The following TSPEAR variants were observed in gnomAD, a reference collection of about 807,000 sequenced individuals.
TSPEAR encodes the protein thrombospondin type laminin G domain and EAR repeats.
TSPEAR carries 69 observed loss-of-function variants against 71.6 expected under a neutral mutation model. That is an observed-to-expected ratio of 0.96 (90% CI 0.79 to 1.18). TSPEAR has a LOEUF of 1.18. TSPEAR is among the 50% of genes most tolerant of loss of function. The pLI is 0.00. For synonymous variants in TSPEAR, 402 were observed against 387.2 expected (o/e 1.04, Z -0.45); for missense variants, 971 against 894.9 (o/e 1.09, Z -1.09).
intron 1 of TSPEAR, among the ~76,000 whole-genome samples, chr21:44,587,556 G>A (rs1979420080): frequency 6.6e-6 from 1 of 152,080 alleles, no homozygotes; most frequent in Non-Finnish European, 1.5e-5. Context: ...AACCAAAAAA[G>A]GGCCCGCATA....
At chr21:44,530,218 C>T (rs2052939586) in intron 4 of TSPEAR, among the ~76,000 whole-genome samples, 1 of 145,918 alleles carries the variant, frequency 6.9e-6, no homozygotes. Flanking sequence ...GGCTACTCTG[C>T]TCATCCAACA....
At chr21:44,704,834 C>T (rs566763434) in intron 1 of TSPEAR, among the ~76,000 whole-genome samples, 1 of 152,268 alleles carries the variant, frequency 6.6e-6, no homozygotes, top group South Asian at 2.1e-4. Context: ...CGTCACGGCC[C>T]CGGCACGCCA....
intron 1 of TSPEAR, chr21:44,697,942 C>G: frequency 6.2e-7 from 1 of 1,609,324 alleles, no homozygotes; most frequent in East Asian, 2.2e-5. Context: ...CCTGCTGAGG[C>G]CTCTGCTCAG....
rs986067689 is a variant in TSPEAR, at chr21:44,499,708, T to C, written c.*75A>G. The C allele has an allele frequency of 1.5e-5, 21 of 1,448,248 alleles. No individual in the cohort carries two copies. In the Admixed American group the frequency reaches 2.7e-4, roughly 19 times the overall value. The allele number at this position is 1,448,248 out of a possible 1,614,324, so 89.7% of individuals were successfully genotyped here. On this transcript the variant is annotated 3_prime_UTR_variant, in exon 12 of 12. Transcript: ENST00000323084. Reference sequence around the variant, plus strand: ...GCCCTAGGCTGGGCCCACCTGGACGTCCAGGGTCAGTTGGGGGAGGTGCTG... The same window carrying C: ...GCCCTAGGCTGGGCCCACCTGGACGCCCAGGGTCAGTTGGGGGAGGTGCTG...
Position 44,567,832 on chromosome 21 carries a change from C to T in TSPEAR, c.256G>A (p.Glu86Lys). ...CTCAAAGTTACGACGATGGAAAATTCTTCAGGGAAGAGGTCACACTGGGAG... is the reference window on the plus strand; with the variant it reads ...CTCAAAGTTACGACGATGGAAAATTTTTCAGGGAAGAGGTCACACTGGGAG... ...IFSQCDLFPE[E>K]FSIVVTLRVP... The change falls in exon 2 of 12, where the codon GAA becomes AAA. Residue 86 changes from glutamate to lysine, a missense_variant. Glu to Lys is a moderately conservative substitution (Grantham distance 56). Coordinates refer to ENST00000323084, the MANE Select transcript of TSPEAR (RefSeq NM_144991.3). The T allele has an allele frequency of 6.2e-7, 1 of 1,603,018 alleles. No individual in the cohort carries two copies. The highest frequency in any genetic ancestry group is 8.5e-7 in the Non-Finnish European group (1 of 1,173,906).
chr21:44,702,276 C>T lies in TSPEAR; in HGVS notation c.82+9157G>A, dbSNP rs955328041. The T allele has an allele frequency of 3.4e-5, 55 of 1,607,342 alleles. 1 individual carries two copies. The highest frequency in any genetic ancestry group is 2.2e-4 in the Middle Eastern group (1 of 4,618). On this transcript the variant is annotated intron_variant, in intron 1 of 11. Coordinates refer to ENST00000323084, the MANE Select transcript of TSPEAR (RefSeq NM_144991.3). ...TGGACGACTGCCCGGAGAGCTGCTG[C>T]GAGCCCCCCTGCTGCGCCGCCAGCT...
At chr21:44,681,823 A>G in intron 1 of TSPEAR, 2 of 1,602,074 alleles carry the variant, frequency 1.2e-6, no homozygotes, top group Non-Finnish European at 1.7e-6. Context: ...GCGGGTCTGG[A>G]GATTCATGCT....
chr21:44,645,424 T>C (rs372162902), intron 1 of TSPEAR, among the ~76,000 whole-genome samples: 2 of 150,788 alleles, frequency 1.3e-5, no homozygotes, highest in African/African-American at 2.4e-5. Context: ...TGGTGCAATC[T>C]CAGCTCACTG....
At chr21:44,662,414 G>A (rs968488780) in intron 1 of TSPEAR, among the ~76,000 whole-genome samples, 1 of 152,142 alleles carries the variant, frequency 6.6e-6, no homozygotes, top group Non-Finnish European at 1.5e-5. Context: ...TAATGATAAA[G>A]CATCAATTCA....
chr21:44,565,893 G>T (rs1054164915), intron 2 of TSPEAR, among the ~76,000 whole-genome samples: 38 of 152,316 alleles, frequency 2.5e-4, no homozygotes, highest in Admixed American at 2.4e-3. Context: ...AAGGTTGCAG[G>T]ATACAACGTC....
intron 1 of TSPEAR, chr21:44,654,603 G>A (rs1555942212): frequency 1.3e-6 from 2 of 1,570,376 alleles, no homozygotes; most frequent in Admixed American, 1.8e-5. Context: ...AAGAGTGGCT[G>A]GTGTGGCACA....
In TSPEAR at chr21:44,509,212, T is replaced by C. The variant is rs1422102759; in HGVS notation, c.1741A>G (p.Ile581Val). 5 of 1,613,730 alleles carry C rather than the reference T, an allele frequency of 3.1e-6. No individual in the cohort carries two copies. The highest frequency in any genetic ancestry group is 4.2e-6 in the Non-Finnish European group (5 of 1,179,872). Residue 581 changes from isoleucine to valine, a missense_variant, in exon 10 of 12, where the codon ATT (isoleucine) becomes GTT (valine). Transcript: ENST00000323084. ...GGAGGCGCATACCTGCAGGTGAGAA[T>C]GTCCTGGAACTTGACAAAGGCCTGC... The part of the protein sequence containing the change: ...TAQAFVKFQD[I>V]LTCSALDWEF...
intron 1 of TSPEAR, among the ~76,000 whole-genome samples, chr21:44,648,980 T>G (rs1984608185): frequency 6.6e-6 from 1 of 152,208 alleles, no homozygotes; most frequent in African/African-American, 2.4e-5. Context: ...CAGCTCCGAG[T>G]GCTCTGCCCC....
chr21:44,701,190 G>A (rs1555951474), intron 1 of TSPEAR, among the ~76,000 whole-genome samples: 1 of 152,242 alleles, frequency 6.6e-6, no homozygotes, highest in Admixed American at 6.5e-5. Flanking sequence ...CATAGGGACA[G>A]CGCGGAGTGG....
rs782043381 is a variant in TSPEAR, at chr21:44,525,672, C to A, written c.1317G>T (p.Ala439=). Residue 439 remains alanine, a synonymous_variant, in exon 8 of 12, where the codon GCG becomes GCT. Coordinates refer to ENST00000323084, the MANE Select transcript of TSPEAR (RefSeq NM_144991.3). ...AFEVDGEHFL[A]VANHREGDNH... ...CCCTACCTTCCCGGTGGTTGGCCACCGCCAGGAAGTGCTCCCCATCCACCT... is the reference window on the plus strand; with the variant it reads ...CCCTACCTTCCCGGTGGTTGGCCACAGCCAGGAAGTGCTCCCCATCCACCT... The A allele has an allele frequency of 1.9e-6, 3 of 1,613,968 alleles. No homozygotes were observed. The East Asian group carries it at 6.7e-5, about 36-fold the overall frequency.
At chr21:44,708,835 C>A (rs1988070622) in intron 1 of TSPEAR, among the ~76,000 whole-genome samples, 1 of 152,236 alleles carries the variant, frequency 6.6e-6, no homozygotes, top group Admixed American at 6.5e-5. Context: ...TTGCCAGCTC[C>A]GTGTGGGCAG....
In TSPEAR at chr21:44,627,082, C is replaced by G. The variant is rs1281011798; in HGVS notation, c.83-59077G>C. On this transcript the variant is annotated intron_variant, in intron 1 of 11. Transcript: ENST00000323084. ...GGAGGGGTATAAAAGCCTGAGAGCCCCAAGAACCTCACACACTCACAAACT... is the reference window on the plus strand; with the variant it reads ...GGAGGGGTATAAAAGCCTGAGAGCCGCAAGAACCTCACACACTCACAAACT... 2.6e-6 allele frequency: 4 copies of G among 1,552,330 alleles called. No individual in the cohort carries two copies. The African/African-American group carries it at 5.4e-5, about 21-fold the overall frequency.
chr21:44,560,637 G>A (rs192453059), intron 2 of TSPEAR, among the ~76,000 whole-genome samples: 29 of 151,968 alleles, frequency 1.9e-4, no homozygotes, highest in African/African-American at 4.3e-4. Flanking sequence ...AAAGTCTACC[G>A]GACCACAGTG....
At chr21:44,697,194 C>T in intron 1 of TSPEAR, 3 of 1,612,392 alleles carry the variant, frequency 1.9e-6, no homozygotes, top group Non-Finnish European at 2.5e-6. Context: ...AGCACGGCTG[C>T]ATCCACCATG....
Sources: gnomAD v4.1 joint callset for allele counts (sites outside exome capture counted in the v4.1 genomes callset) on GRCh38, gnomAD v4.1.1 for gene constraint, MANE v1.5 for transcripts, NCBI Gene and HGNC (gene_info 2026-07-23, HGNC 2026-07-21) for gene names.